Variants in HIVEP1 observed in about 807,000 individuals in gnomAD.
HIVEP1 encodes HIVEP zinc finger 1.
In HIVEP1, 36 loss-of-function variants were observed where a neutral mutation model predicts 180.0. The ratio of observed to expected loss-of-function variants is 0.20; its 90% CI spans 0.15 to 0.26. The LOEUF (loss-of-function observed/expected upper bound fraction) is 0.26. HIVEP1 is among the 10% of genes least tolerant of loss of function. HIVEP1 has a pLI of 1.00. For missense variants in HIVEP1, 3,143 were observed against 3,268.7 expected (o/e 0.96, Z 0.94); for synonymous variants, 1,239 against 1,239.0 (o/e 1.00, Z 0.00).
At chr6:12,070,151 T>C (rs972318289) in intron 2 of HIVEP1, among the ~76,000 whole-genome samples, 2 of 152,216 alleles carry the variant, frequency 1.3e-5, no homozygotes, top group Non-Finnish European at 2.9e-5. Flanking sequence ...TATTTTACTA[T>C]TAACTTTTTT....
At chr6:12,114,441 CT>C (rs1309527111) in intron 3 of HIVEP1, among the ~76,000 whole-genome samples, 3 of 152,146 alleles carry the variant, frequency 2.0e-5, no homozygotes, top group African/African-American at 7.2e-5. Context: ...CCCCTTGTTT[CT>C]TTTTGTTTCT....
chr6:12,098,339 T>G (rs939752230), intron 3 of HIVEP1, among the ~76,000 whole-genome samples: 1 of 152,162 alleles, frequency 6.6e-6, no homozygotes, highest in African/African-American at 2.4e-5. Flanking sequence ...AACAAAGAAA[T>G]GAATCTTATC....
chr6:12,028,511 A>G (rs958767706), intron 2 of HIVEP1, among the ~76,000 whole-genome samples: 11 of 152,216 alleles, frequency 7.2e-5, no homozygotes, highest in Admixed American at 5.2e-4. Context: ...TTGATCTATC[A>G]TGTTTTGATG....
At chr6:12,025,485 G>C (rs924482924) in intron 2 of HIVEP1, among the ~76,000 whole-genome samples, 1 of 152,182 alleles carries the variant, frequency 6.6e-6, no homozygotes, top group Admixed American at 6.5e-5. Context: ...TAATTTTATA[G>C]TTGGAAGTAG....
At chr6:12,089,117 T>G (rs2113328666) in intron 2 of HIVEP1, 67 bp from the exon 3 acceptor site, 2 of 845,112 alleles carry the variant, frequency 2.4e-6, no homozygotes, top group Non-Finnish European at 3.9e-6. Context: ...AAGTAGTATG[T>G]TTGCTTTACT....
chr6:12,040,891 G>C (rs9349059), intron 2 of HIVEP1, among the ~76,000 whole-genome samples: 1 of 151,908 alleles, frequency 6.6e-6, no homozygotes, highest in Non-Finnish European at 1.5e-5. Flanking sequence ...TGGGGGGGAC[G>C]TGCCACACAC....
At chr6:12,166,936 C>G (rs1185572017), downstream of HIVEP1, among the ~76,000 whole-genome samples, 1 of 152,154 alleles carries the variant, frequency 6.6e-6, no homozygotes, top group Non-Finnish European at 1.5e-5. Flanking sequence ...GCTGAAGAAC[C>G]ACAGGTCGTT....
chr6:12,103,258 G>A (rs1774217372), intron 3 of HIVEP1, among the ~76,000 whole-genome samples: 1 of 151,874 alleles, frequency 6.6e-6, no homozygotes, highest in South Asian at 2.1e-4. Flanking sequence ...GAAGTTCTGG[G>A]CACAATGCCA....
At chr6:12,180,985 A>G in the HIVEP1 span, among the ~76,000 whole-genome samples, 1 of 152,260 alleles carries the variant, frequency 6.6e-6, no homozygotes, top group East Asian at 1.9e-4. Context: ...AACATCTGTC[A>G]GGGTAAGACC....
intron 2 of HIVEP1, among the ~76,000 whole-genome samples, chr6:12,071,970 T>C (rs1772000336): frequency 6.6e-6 from 1 of 152,240 alleles, no homozygotes; most frequent in East Asian, 1.9e-4. Flanking sequence ...TTTGCCTCTG[T>C]CTTTTTCTTC....
intron 7 of HIVEP1, among the ~76,000 whole-genome samples, chr6:12,147,606 A>T (rs1759454064): frequency 6.6e-6 from 1 of 152,122 alleles, no homozygotes. Flanking sequence ...AGCATGTTTC[A>T]TTAAGTGGAT....
intron 7 of HIVEP1, among the ~76,000 whole-genome samples, chr6:12,148,222 A>G (rs1374859681): frequency 6.6e-6 from 1 of 152,226 alleles, no homozygotes; most frequent in African/African-American, 2.4e-5. Flanking sequence ...CCAGCAGAAC[A>G]AAGCTAGGGA....
At chr6:12,187,374 G>A in the HIVEP1 span, among the ~76,000 whole-genome samples, 1 of 152,066 alleles carries the variant, frequency 6.6e-6, no homozygotes, top group Non-Finnish European at 1.5e-5. Context: ...GTGGGGTGGT[G>A]AGTGAGTTCT....
At chr6:12,103,263 A>G (rs1254660308) in intron 3 of HIVEP1, among the ~76,000 whole-genome samples, 1 of 152,096 alleles carries the variant, frequency 6.6e-6, no homozygotes, top group Non-Finnish European at 1.5e-5. Context: ...TCTGGGCACA[A>G]TGCCAAGCTG....
chr6:12,058,239 T>G (rs62395291), intron 2 of HIVEP1, among the ~76,000 whole-genome samples: 1 of 151,704 alleles, frequency 6.6e-6, no homozygotes, highest in South Asian at 2.1e-4. Flanking sequence ...AAAAAAAAAG[T>G]GTAAAATTTA....
chr6:12,029,227 A>C lies in HIVEP1; in HGVS notation c.40+13559A>C, dbSNP rs922923315. 2.0e-5 allele frequency among the ~76,000 whole-genome samples: 3 copies of C among 152,238 alleles called. No homozygotes were observed. In the South Asian group the frequency reaches 6.2e-4, roughly 32 times the overall value. ...CAGGTCAAGCTGGCCATTAACACCT[A>C]TTTTACTTGATATTACTATAGAGAC... On this transcript the variant is annotated intron_variant, in intron 2 of 8. Coordinates refer to ENST00000379388, the MANE Select transcript of HIVEP1 (RefSeq NM_002114.4).
At chr6:12,107,905 A>T (rs1003086092) in intron 3 of HIVEP1, among the ~76,000 whole-genome samples, 2 of 152,164 alleles carry the variant, frequency 1.3e-5, no homozygotes, top group African/African-American at 4.8e-5. Context: ...GCTGAGCTAG[A>T]CACAAAGGTT....
chr6:12,025,849 G>A (rs1485455548), intron 2 of HIVEP1, among the ~76,000 whole-genome samples: 2 of 152,130 alleles, frequency 1.3e-5, no homozygotes. Context: ...AGACCAGCCT[G>A]GCCAACATGG....
the HIVEP1 span, among the ~76,000 whole-genome samples, chr6:12,182,912 C>T: frequency 6.6e-6 from 1 of 152,180 alleles, no homozygotes; most frequent in Non-Finnish European, 1.5e-5. Flanking sequence ...CGTCCAATCA[C>T]ATGGTGGCCC....
Sources: allele counts gnomAD v4.1 joint callset (sites outside exome capture counted in the v4.1 genomes callset), GRCh38; gene constraint gnomAD v4.1.1; transcripts MANE v1.5; gene names NCBI Gene and HGNC (gene_info 2026-07-23, HGNC 2026-07-21).